Variants in CLTCL1 observed in about 807,000 individuals in gnomAD.
The protein encoded by CLTCL1 is clathrin heavy chain 2.
Under a neutral mutation model 190.0 loss-of-function variants are expected in CLTCL1, and 159 were observed. That is an observed-to-expected ratio of 0.84 (90% CI 0.74 to 0.95). The LOEUF (loss-of-function observed/expected upper bound fraction) is 0.95. Among genes scored for constraint, CLTCL1 ranks in the 40% least tolerant of loss-of-function variants. The pLI, the probability that CLTCL1 is intolerant of heterozygous loss-of-function variation, is 0.00. For synonymous variants in CLTCL1, 752 were observed against 769.6 expected (o/e 0.98, Z 0.38); for missense variants, 1,878 against 2,033.4 (o/e 0.92, Z 1.47).
intron 2 of CLTCL1, among the ~76,000 whole-genome samples, chr22:19,268,998 GAGAATTGCTTGA>G (rs1214908886): frequency 6.6e-6 from 1 of 151,618 alleles, no homozygotes; most frequent in Non-Finnish European, 1.5e-5. Flanking sequence ...GCTGAGGCAG[GAGAATTGCTTGA>G]ACCCAGGAGG....
In CLTCL1 at chr22:19,201,432, A is replaced by G; in HGVS notation, c.3662T>C (p.Val1221Ala). Residue 1221 changes from valine (V) to alanine (A), a missense_variant, in exon 23 of 33, where the codon GTT (valine) becomes GCT (alanine). By Grantham distance (64) the Val-to-Ala change is moderately conservative (BLOSUM62 0). Coordinates refer to ENST00000427926, the MANE Select transcript of CLTCL1 (RefSeq NM_007098.4). ...YEAAKLLYSN[V>A]SNFARLASTL... The stretch of plus-strand genomic sequence containing the variant: ...GGAAGCCAGGCGGGCAAAGTTAGAA[A>G]CATTGCTATAGAGCAGCTTGGCAGC... The G allele has an allele frequency of 6.2e-7, 1 of 1,613,914 alleles. No individual in the cohort carries two copies. The highest frequency in any genetic ancestry group is 8.5e-7 in the Non-Finnish European group (1 of 1,179,836).
chr22:19,210,512 G>C lies in CLTCL1; in HGVS notation c.3066-3C>G, dbSNP rs1555946057. On this transcript the variant is annotated splice_region_variant and splice_polypyrimidine_tract_variant and intron_variant, in intron 19 of 32. Coordinates refer to ENST00000427926, the MANE Select transcript of CLTCL1 (RefSeq NM_007098.4). ...GGATCAACAGATTCTGTAGATTCCT[G>C]AGGAGAGAGGGTGGTCAGCACGGCA... 6.2e-7 allele frequency: 1 copy of C among 1,610,422 alleles called. No individual in the cohort carries two copies. Among genetic ancestry groups the C allele is most frequent in the Non-Finnish European group, 8.5e-7 (1 of 1,177,364 alleles).
chr22:19,279,480 C>T (rs1555985263), intron 1 of CLTCL1, among the ~76,000 whole-genome samples: 1 of 152,136 alleles, frequency 6.6e-6, no homozygotes, highest in Non-Finnish European at 1.5e-5. Flanking sequence ...CTGAGGTTTC[C>T]CCTCCAAATT....
Position 19,226,218 on chromosome 22 carries a change from C to A in CLTCL1, c.1947+1G>T. 1 of 1,613,424 alleles carries A rather than the reference C, an allele frequency of 6.2e-7. No homozygotes were observed. The highest frequency in any genetic ancestry group is 8.5e-7 in the Non-Finnish European group (1 of 1,179,742). The stretch of plus-strand genomic sequence containing the variant: ...TAGGAGTGCCCAGGGGTACACAGTA[C>A]CTCGGGATTGAGGAGGTGAGTGTGG... On this transcript the variant is annotated splice_donor_variant, in intron 12 of 32. Transcript: ENST00000427926. LOFTEE classifies it high-confidence loss of function.
At chr22:19,230,223 C>T (rs1306112716) in intron 10 of CLTCL1, among the ~76,000 whole-genome samples, 2 of 151,936 alleles carry the variant, frequency 1.3e-5, no homozygotes, top group African/African-American at 4.8e-5. Flanking sequence ...CCTGCCTCAG[C>T]TTCCCAAGTG....
intron 2 of CLTCL1, among the ~76,000 whole-genome samples, chr22:19,262,619 A>C (rs2086986906): frequency 9.2e-6 from 1 of 108,514 alleles, no homozygotes; most frequent in Non-Finnish European, 1.9e-5. Context: ...GCAACAGGGT[A>C]AGACTCTGTC....
chr22:19,197,206 T>C (rs2084738763), intron 24 of CLTCL1, among the ~76,000 whole-genome samples: 1 of 152,094 alleles, frequency 6.6e-6, no homozygotes, highest in South Asian at 2.1e-4. Context: ...ATGTGACCCT[T>C]TCCCTTTACT....
intron 18 of CLTCL1, among the ~76,000 whole-genome samples, chr22:19,217,714 G>C (rs1295229407): frequency 6.6e-6 from 1 of 151,188 alleles, no homozygotes; most frequent in Admixed American, 6.6e-5. Context: ...CAGGCGTGGC[G>C]GCAGGTGCCT....
chr22:19,258,857 C>T lies in CLTCL1; in HGVS notation c.251-4630G>A, dbSNP rs2086851556. The T allele has an allele frequency of 2.6e-5, 14 of 535,830 alleles. 1 individual carries two copies. The South Asian group carries it at 3.0e-4, about 11-fold the overall frequency. 33.2% of individuals were successfully genotyped at this position (535,830 alleles called of 1,614,324 possible). On this transcript the variant is annotated intron_variant, in intron 2 of 32. Coordinates refer to ENST00000427926, the MANE Select transcript of CLTCL1 (RefSeq NM_007098.4). ...GGGAGCAGGAGGCCAGTAAAAAGTTCACAGGTTAAAAAAAACCCCAACAAT... is the reference window on the plus strand; with the variant it reads ...GGGAGCAGGAGGCCAGTAAAAAGTTTACAGGTTAAAAAAAACCCCAACAAT...
rs1401964063 is a variant in CLTCL1, at chr22:19,229,726, T to C, written c.1782+112A>G. ...AGAATGTCCACTGAGAAGTACAAGA[T>C]AAACATCTGGCACAAGCCCAGCCCA... On this transcript the variant is annotated intron_variant, in intron 11 of 32. Coordinates refer to ENST00000427926, the MANE Select transcript of CLTCL1 (RefSeq NM_007098.4). 3 of 1,078,568 alleles carry C rather than the reference T, an allele frequency of 2.8e-6. No individual in the cohort carries two copies. In the East Asian group the frequency reaches 9.1e-5, roughly 33 times the overall value. 66.8% of individuals were successfully genotyped at this position (1,078,568 alleles called of 1,614,324 possible). A position where few individuals can be genotyped will look rare whatever the true frequency, so the allele number is the denominator to read the frequency against.
chr22:19,276,531 G>A (rs573815648), intron 1 of CLTCL1, among the ~76,000 whole-genome samples: 32 of 152,174 alleles, frequency 2.1e-4, no homozygotes, highest in African/African-American at 7.7e-4. Context: ...ACCTGCTAAT[G>A]GGATAAGCTT....
chr22:19,263,621 G>A (rs1247771276), intron 2 of CLTCL1, among the ~76,000 whole-genome samples: 2 of 152,062 alleles, frequency 1.3e-5, no homozygotes, highest in African/African-American at 2.4e-5. Flanking sequence ...GGGTTTCACT[G>A]TGTTAGCCAG....
At chr22:19,258,683 C>T in intron 2 of CLTCL1, 5 of 665,326 alleles carry the variant, frequency 7.5e-6, no homozygotes, top group Non-Finnish European at 1.1e-5. Context: ...GGGAGGACTT[C>T]AATCTTGGTG....
intron 2 of CLTCL1, among the ~76,000 whole-genome samples, chr22:19,271,912 G>C (rs1319722609): frequency 2.6e-5 from 4 of 152,170 alleles, no homozygotes; most frequent in Non-Finnish European, 5.9e-5. Flanking sequence ...TTTGAGATCA[G>C]CCTGGGCAAC....
intron 22 of CLTCL1, among the ~76,000 whole-genome samples, chr22:19,204,161 G>A (rs2084980621): frequency 6.6e-6 from 1 of 152,236 alleles, no homozygotes; most frequent in East Asian, 1.9e-4. Context: ...TTCCTCCTCT[G>A]CTCAAAATGT....
intron 23 of CLTCL1, 125 bp from the exon 24 acceptor site, chr22:19,199,966 G>C (rs1025424411): frequency 1.8e-5 from 11 of 612,114 alleles, no homozygotes; most frequent in Non-Finnish European, 2.3e-5. Flanking sequence ...GTTGGATTCT[G>C]AACAAGTAGC....
Position 19,208,228 on chromosome 22 carries a change from C to G in CLTCL1, c.3526G>C (p.Ala1176Pro). 3.1e-6 allele frequency: 5 copies of G among 1,613,808 alleles called. No homozygotes were observed. Among genetic ancestry groups the G allele is most frequent in the Non-Finnish European group, 4.2e-6 (5 of 1,179,888 alleles). ...GAAACACGGCTGGTTTTAGCCAAGG[C>G]AAAAATAAGTTCAGTCTCTATATAG... ...ESYIETELIF[A>P]LAKTSRVSEL... Residue 1176 changes from alanine to proline, a missense_variant, in exon 22 of 33, where the codon GCC becomes CCC. Transcript: ENST00000427926.
Position 19,210,412 on chromosome 22 carries a change from T to C in CLTCL1, c.3163A>G (p.Ile1055Val), listed in dbSNP as rs782592083. Reference sequence around the variant, plus strand: ...GCGCTGCTGACAGCGATGCTCGCGATGTCCAGTGCGTCATAGTTGTCCAGG... The same window carrying C: ...GCGCTGCTGACAGCGATGCTCGCGACGTCCAGTGCGTCATAGTTGTCCAGG... ...SRLDNYDALD[I>V]ASIAVSSALY... The change falls in exon 20 of 33, where the codon ATC (isoleucine) becomes GTC (valine). Residue 1055 changes from isoleucine (I) to valine (V), a missense_variant. Transcript: ENST00000427926. 2 of 1,614,028 alleles carry C rather than the reference T, an allele frequency of 1.2e-6. No homozygotes were observed. Among genetic ancestry groups the C allele is most frequent in the Admixed American group, 1.7e-5 (1 of 60,032 alleles).
intron 2 of CLTCL1, among the ~76,000 whole-genome samples, chr22:19,256,324 ATTTTTCTTTTT>A (rs1255505501): frequency 1.5e-5 from 2 of 130,988 alleles, no homozygotes; most frequent in Admixed American, 1.5e-4. Flanking sequence ...CACTCAGCTA[ATTTTTCTTTTT>A]TTTTTCTTTT....
Sources: gnomAD v4.1 joint callset for allele counts (sites outside exome capture counted in the v4.1 genomes callset) on GRCh38, gnomAD v4.1.1 for gene constraint, MANE v1.5 for transcripts, NCBI Gene and HGNC (gene_info 2026-07-23, HGNC 2026-07-21) for gene names.